RGS6: variants seen among roughly 807,000 people sequenced by gnomAD.
RGS6 encodes regulator of G protein signaling 6, also known as regulator of G-protein signaling 6.
In RGS6, 30 loss-of-function variants were observed where a neutral mutation model predicts 78.5. The ratio of observed to expected loss-of-function variants is 0.38; its 90% CI spans 0.29 to 0.52. RGS6 has a LOEUF of 0.52. Among genes scored for constraint, RGS6 ranks in the 20% least tolerant of loss-of-function variants. RGS6 has a pLI of 0.85. For synonymous variants in RGS6, 206 were observed against 206.0 expected (o/e 1.00, Z 0.00); for missense variants, 495 against 609.7 (o/e 0.81, Z 1.98).
intron 17 of RGS6, among the ~76,000 whole-genome samples, chr14:72,557,424 G>A (rs561251432): frequency 1.7e-4 from 26 of 152,250 alleles, no homozygotes; most frequent in Non-Finnish European, 3.2e-4. Flanking sequence ...AGCACCAGGG[G>A]CAGCAACCTT....
chr14:72,626,242 G>A, the RGS6 span, among the ~76,000 whole-genome samples: 1 of 152,132 alleles, frequency 6.6e-6, no homozygotes, highest in East Asian at 1.9e-4. Context: ...TCTCAAAGAA[G>A]TGTTGTTTCT....
At chr14:72,485,502 T>C (rs1282971767) in intron 12 of RGS6, among the ~76,000 whole-genome samples, 2 of 152,204 alleles carry the variant, frequency 1.3e-5, no homozygotes, top group African/African-American at 2.4e-5. Context: ...CCAAGCAGAC[T>C]CTGTTCATCT....
chr14:72,612,099 T>C, the RGS6 span, among the ~76,000 whole-genome samples: 4 of 152,164 alleles, frequency 2.6e-5, no homozygotes, highest in Non-Finnish European at 5.9e-5. Context: ...CAATGATTCA[T>C]GGCAGGCAAA....
At chr14:72,114,753 G>T (rs1461144972) in intron 2 of RGS6, among the ~76,000 whole-genome samples, 1 of 152,152 alleles carries the variant, frequency 6.6e-6, no homozygotes, top group Non-Finnish European at 1.5e-5. Flanking sequence ...CTGACTTAAG[G>T]CTGTTTTTCC....
intron 3 of RGS6, among the ~76,000 whole-genome samples, chr14:72,362,374 C>A (rs1244302766): frequency 6.6e-6 from 1 of 152,184 alleles, no homozygotes; most frequent in East Asian, 1.9e-4. Flanking sequence ...AACCCACAAA[C>A]TATAATTGCT....
intron 12 of RGS6, among the ~76,000 whole-genome samples, chr14:72,488,467 C>G (rs1303343881): frequency 6.6e-6 from 1 of 152,212 alleles, no homozygotes; most frequent in Non-Finnish European, 1.5e-5. Context: ...TCACCATGAG[C>G]TCTCACCACC....
At chr14:72,537,504 A>AT in intron 16 of RGS6, 1 of 702,314 alleles carries the variant, frequency 1.4e-6, no homozygotes, top group Non-Finnish European at 2.6e-6. Context: ...GGTTTCCTGC[A>AT]TCCCTCCCCA....
rs530468638 is a variant in RGS6, at chr14:72,405,934, A to C, written c.185-48594A>C. 2.6e-5 allele frequency among the ~76,000 whole-genome samples: 4 copies of C among 152,344 alleles called. No homozygotes were observed. In the South Asian group the frequency reaches 8.3e-4, roughly 32 times the overall value. On this transcript the variant is annotated intron_variant, in intron 3 of 17. Coordinates refer to ENST00000553525, the MANE Select transcript of RGS6 (RefSeq NM_001204424.2). ...TCAGGGCTGCTGTGGTCTTCATAGA[A>C]GATGACCCGCGTATTTCCAAGGTTT...
In RGS6 at chr14:71,982,148, C is replaced by T. The variant is rs186446402; in HGVS notation, c.84+17273C>T. On this transcript the variant is annotated intron_variant, in intron 2 of 17. Transcript: ENST00000553525. ...CAACGCCTCGCCCTGCTTCGGCTGG[C>T]GCATGGTGCGTGCACCCACTGACCT... Among the ~76,000 whole-genome samples the T allele has an allele frequency of 3.4e-3, 517 of 151,744 alleles. 18 individuals carry two copies. The highest frequency in any genetic ancestry group is 0.031 in the Admixed American group (468 of 15,254).
intron 17 of RGS6, among the ~76,000 whole-genome samples, chr14:72,559,218 C>T (rs558760407): frequency 7.2e-5 from 11 of 152,290 alleles, no homozygotes; most frequent in African/African-American, 2.2e-4. Flanking sequence ...GCGGATTCCT[C>T]GGGAGCTTCC....
At chr14:72,179,560 T>A (rs756195784) in intron 2 of RGS6, among the ~76,000 whole-genome samples, 12 of 152,134 alleles carry the variant, frequency 7.9e-5, no homozygotes, top group Middle Eastern at 6.3e-3. Flanking sequence ...AATGTATGAC[T>A]CCAATCTCAA....
intron 2 of RGS6, among the ~76,000 whole-genome samples, chr14:72,297,455 G>A (rs1457833502): frequency 6.7e-6 from 1 of 150,130 alleles, no homozygotes; most frequent in Non-Finnish European, 1.5e-5. Flanking sequence ...TTAAGTTTTA[G>A]GGTACATGTG....
the RGS6 span, among the ~76,000 whole-genome samples, chr14:71,869,587 T>G: frequency 1.0e-3 from 154 of 152,384 alleles, no homozygotes; most frequent in African/African-American, 3.6e-3. Flanking sequence ...TTCAGTGGGC[T>G]AAATTGAAAG....
At position 72,065,879 on chromosome 14, in the gene RGS6, A is replaced by G. The variant is rs565826763; in HGVS notation, c.84+101004A>G. ...GCTGGTGTGCTGCACCCACTAACTCATCATCTAGCATTAGGTATATCTCCC... is the reference window on the plus strand; with the variant it reads ...GCTGGTGTGCTGCACCCACTAACTCGTCATCTAGCATTAGGTATATCTCCC... On this transcript the variant is annotated intron_variant, in intron 2 of 17. Transcript: ENST00000553525. Among the ~76,000 whole-genome samples the G allele has an allele frequency of 3.7e-3, 562 of 151,942 alleles. 1 individual carries two copies. Among genetic ancestry groups the G allele is most frequent in the African/African-American group, 0.013 (549 of 41,408 alleles).
At chr14:71,867,336 A>G in the RGS6 span, among the ~76,000 whole-genome samples, 1 of 152,228 alleles carries the variant, frequency 6.6e-6, no homozygotes. Context: ...GCATAGAAAC[A>G]TTCCAGAATC....
chr14:71,912,789 A>T, the RGS6 span, among the ~76,000 whole-genome samples: 1 of 152,056 alleles, frequency 6.6e-6, no homozygotes, highest in African/African-American at 2.4e-5. Context: ...TAGAGACTGC[A>T]CACAAACTGT....
chr14:72,388,242 A>G (rs1401343963), intron 3 of RGS6, among the ~76,000 whole-genome samples: 1 of 151,626 alleles, frequency 6.6e-6, no homozygotes, highest in Non-Finnish European at 1.5e-5. Flanking sequence ...AAACACACAC[A>G]CATACACATA....
chr14:72,328,212 A>T (rs897930681), intron 2 of RGS6, among the ~76,000 whole-genome samples: 1 of 152,112 alleles, frequency 6.6e-6, no homozygotes, highest in East Asian at 1.9e-4. Context: ...TCTTTACTCA[A>T]TCTACTGATT....
chr14:72,357,071 G>T (rs562797719), intron 3 of RGS6, among the ~76,000 whole-genome samples: 4 of 152,180 alleles, frequency 2.6e-5, no homozygotes, highest in African/African-American at 9.6e-5. Flanking sequence ...GGGAGTTCAA[G>T]ACCAGCCTGG....
Sources: gnomAD v4.1 joint callset for allele counts (sites outside exome capture counted in the v4.1 genomes callset) on GRCh38, gnomAD v4.1.1 for gene constraint, MANE v1.5 for transcripts, NCBI Gene and HGNC (gene_info 2026-07-23, HGNC 2026-07-21) for gene names.